The following GATAD2A variants were observed in gnomAD, a reference collection of about 807,000 sequenced individuals.
GATAD2A encodes transcriptional repressor p66-alpha.
GATAD2A carries 12 observed loss-of-function variants against 68.5 expected under a neutral mutation model. The ratio of observed to expected loss-of-function variants is 0.18; its 90% CI spans 0.11 to 0.28. GATAD2A has a LOEUF of 0.28. GATAD2A is among the 10% of genes least tolerant of loss of function. GATAD2A has a pLI of 1.00. For missense variants in GATAD2A, 755 were observed against 868.5 expected (o/e 0.87, Z 1.64); for synonymous variants, 410 against 375.3 (o/e 1.09, Z -1.07).
chr19:19,473,703 C>T (rs918662690), intron 2 of GATAD2A, among the ~76,000 whole-genome samples: 3 of 150,896 alleles, frequency 2.0e-5, no homozygotes, highest in African/African-American at 4.9e-5. Flanking sequence ...TTTGGGAGGC[C>T]GAGGCGGGCA....
chr19:19,485,812 T>A (rs1600256028), intron 2 of GATAD2A, among the ~76,000 whole-genome samples: 1 of 152,204 alleles, frequency 6.6e-6, no homozygotes, highest in African/African-American at 2.4e-5. Context: ...GCCATGAGTA[T>A]TAGGGCTCCT....
At chr19:19,489,886 G>A (rs1725256449) in intron 2 of GATAD2A, among the ~76,000 whole-genome samples, 1 of 152,220 alleles carries the variant, frequency 6.6e-6, no homozygotes, top group Admixed American at 6.5e-5. Flanking sequence ...CTGCACCTCT[G>A]TGCTGAAGCC....
At chr19:19,461,781 G>C (rs545628696) in intron 1 of GATAD2A, among the ~76,000 whole-genome samples, 1 of 152,342 alleles carries the variant, frequency 6.6e-6, no homozygotes, top group Admixed American at 6.5e-5. Context: ...GTCCGGCCTG[G>C]GGTGTTTGGA....
chr19:19,448,254 G>A (rs776554084), intron 1 of GATAD2A, among the ~76,000 whole-genome samples: 9 of 152,232 alleles, frequency 5.9e-5, no homozygotes, highest in Non-Finnish European at 1.3e-4. Context: ...CCCTTCACAG[G>A]CGGCACCTTT....
intron 1 of GATAD2A, among the ~76,000 whole-genome samples, chr19:19,425,275 C>T (rs1277556415): frequency 6.6e-6 from 1 of 152,122 alleles, no homozygotes; most frequent in Non-Finnish European, 1.5e-5. Context: ...TGTGCATTCT[C>T]CTATGATGGA....
intron 1 of GATAD2A, among the ~76,000 whole-genome samples, chr19:19,421,293 A>C (rs909593032): frequency 6.6e-6 from 1 of 152,190 alleles, no homozygotes; most frequent in African/African-American, 2.4e-5. Context: ...GAGGAAGAGA[A>C]GGCTGGCCCA....
In GATAD2A at chr19:19,449,138, G is replaced by C. The variant is rs951194458; in HGVS notation, c.-6-16202G>C. ...GATGACACCAGAGAGGGAGTTTGGG[G>C]TCTGGGGACCTGTCTGTCCCAGGCT... On this transcript the variant is annotated intron_variant, in intron 1 of 11. Transcript: ENST00000683918. Among the ~76,000 whole-genome samples, 4 of 152,312 alleles carry C rather than the reference G, an allele frequency of 2.6e-5. No homozygotes were observed. In the South Asian group the frequency reaches 8.3e-4, roughly 32 times the overall value.
intron 1 of GATAD2A, among the ~76,000 whole-genome samples, chr19:19,445,196 CCTGATGG>C (rs915849470): frequency 1.3e-5 from 2 of 152,034 alleles, no homozygotes; most frequent in African/African-American, 2.4e-5. Context: ...GGCTGCCTAC[CCTGATGG>C]CTGATGGCTG....
intron 1 of GATAD2A, among the ~76,000 whole-genome samples, chr19:19,400,461 C>T (rs1235292659): frequency 6.6e-6 from 1 of 151,902 alleles, no homozygotes; most frequent in Non-Finnish European, 1.5e-5. Context: ...ATGGGGACAA[C>T]GGGGGCTACT....
At chr19:19,498,334 C>G (rs1405637587) in intron 7 of GATAD2A, 109 bp from the exon 8 acceptor site, 2 of 980,838 alleles carry the variant, frequency 2.0e-6, no homozygotes, top group South Asian at 1.7e-5. Context: ...ACGCCATCGT[C>G]AAGGGTACTG....
chr19:19,484,518 C>CTTTTTTTTTTTCT (rs2059278367), intron 2 of GATAD2A, among the ~76,000 whole-genome samples: 1 of 114,464 alleles, frequency 8.7e-6, no homozygotes, highest in African/African-American at 3.3e-5. Flanking sequence ...TTTTCTTTTT[C>CTTTTTTTTTTTCT]TTTTTTTTTT....
At chr19:19,430,031 A>G (rs913899619) in intron 1 of GATAD2A, among the ~76,000 whole-genome samples, 2 of 152,038 alleles carry the variant, frequency 1.3e-5, no homozygotes, top group African/African-American at 2.4e-5. Flanking sequence ...TGAGTAGCTC[A>G]TTGGGCAGTT....
At chr19:19,478,186 G>A (rs1423578963) in intron 2 of GATAD2A, among the ~76,000 whole-genome samples, 1 of 152,170 alleles carries the variant, frequency 6.6e-6, no homozygotes, top group Non-Finnish European at 1.5e-5. Context: ...CTACTGTCGA[G>A]GCTGCCAGAG....
At chr19:19,435,202 A>AC in intron 1 of GATAD2A, 1 of 493,452 alleles carries the variant, frequency 2.0e-6, no homozygotes, top group South Asian at 1.5e-5. Flanking sequence ...ACATACTCCT[A>AC]AGTACCTATT....
intron 1 of GATAD2A, among the ~76,000 whole-genome samples, chr19:19,460,538 C>A (rs2057336713): frequency 6.6e-6 from 1 of 152,158 alleles, no homozygotes; most frequent in Admixed American, 6.5e-5. Context: ...AGGACAGTGG[C>A]TGCCCCCAGG....
chr19:19,411,452 C>T (rs1221300996), intron 1 of GATAD2A, among the ~76,000 whole-genome samples: 1 of 152,156 alleles, frequency 6.6e-6, no homozygotes, highest in African/African-American at 2.4e-5. Flanking sequence ...AGAGGGGTCC[C>T]TGTCACTGAG....
chr19:19,449,866 TG>T (rs538523798), intron 1 of GATAD2A, among the ~76,000 whole-genome samples: 107 of 152,364 alleles, frequency 7.0e-4, no homozygotes, highest in African/African-American at 2.5e-3. Flanking sequence ...CTGAAACACA[TG>T]AGATTGTAAG....
At chr19:19,461,009 C>T (rs771730639) in intron 1 of GATAD2A, among the ~76,000 whole-genome samples, 7 of 152,222 alleles carry the variant, frequency 4.6e-5, no homozygotes, top group Non-Finnish European at 1.0e-4. Context: ...CACCAACACC[C>T]TCTGTCATTT....
intron 1 of GATAD2A, among the ~76,000 whole-genome samples, chr19:19,436,969 G>A (rs1044837143): frequency 5.3e-5 from 8 of 152,176 alleles, no homozygotes; most frequent in African/African-American, 1.9e-4. Context: ...AGATGTGGCT[G>A]CTCTGCTGAC....
Sources: allele counts gnomAD v4.1 joint callset (sites outside exome capture counted in the v4.1 genomes callset), GRCh38; gene constraint gnomAD v4.1.1; transcripts MANE v1.5; gene names NCBI Gene and HGNC (gene_info 2026-07-23, HGNC 2026-07-21).